Variants in PDSS2 observed in about 807,000 individuals in gnomAD.
PDSS2 encodes the protein all trans-polyprenyl-diphosphate synthase PDSS2.
In PDSS2, 31 loss-of-function variants were observed where a neutral mutation model predicts 44.5. The ratio of observed to expected loss-of-function variants is 0.70; its 90% CI spans 0.52 to 0.94. The LOEUF (loss-of-function observed/expected upper bound fraction) is 0.94, where lower values mean the gene tolerates loss of function less well. PDSS2 is among the 40% of genes least tolerant of loss of function. PDSS2 has a pLI of 0.00. For synonymous variants in PDSS2, 157 were observed against 180.3 expected, an observed-to-expected ratio of 0.87 and a Z score of 1.03; for missense variants, 452 against 482.2, an observed-to-expected ratio of 0.94 and a Z score of 0.59.
chr6:107,453,481 C>A (rs1386268789), intron 1 of PDSS2, among the ~76,000 whole-genome samples: 3 of 151,786 alleles, frequency 2.0e-5, no homozygotes, highest in African/African-American at 7.3e-5. Context: ...TATCCTCCCT[C>A]CATTGAATTG....
chr6:107,303,248 C>G (rs1481346879), intron 2 of PDSS2, among the ~76,000 whole-genome samples: 1 of 152,172 alleles, frequency 6.6e-6, no homozygotes, highest in Non-Finnish European at 1.5e-5. Context: ...TTCATGAGAG[C>G]TCCATGATTC....
chr6:107,186,662 A>G (rs747544869), intron 7 of PDSS2, among the ~76,000 whole-genome samples: 2 of 150,338 alleles, frequency 1.3e-5, no homozygotes, highest in East Asian at 2.0e-4. Context: ...CCCTGTGTCC[A>G]TGTGTTCTCA....
intron 2 of PDSS2, among the ~76,000 whole-genome samples, chr6:107,321,373 G>A (rs1777376758): frequency 6.6e-6 from 1 of 152,198 alleles, no homozygotes; most frequent in South Asian, 2.1e-4. Context: ...CTGACTTCTA[G>A]AAGGTACTGT....
intron 2 of PDSS2, among the ~76,000 whole-genome samples, chr6:107,312,557 C>T (rs1442203179): frequency 4.6e-5 from 7 of 152,152 alleles, no homozygotes; most frequent in Non-Finnish European, 1.0e-4. Context: ...CAGCACTTAT[C>T]TCTTATTATG....
chr6:107,396,640 C>CAGAGGATTT (rs1345882451), intron 1 of PDSS2, among the ~76,000 whole-genome samples: 2 of 150,190 alleles, frequency 1.3e-5, no homozygotes, highest in Non-Finnish European at 3.0e-5. Flanking sequence ...TTATTTGCCA[C>CAGAGGATTT]AGAGGATTTG....
intron 1 of PDSS2, among the ~76,000 whole-genome samples, chr6:107,442,650 C>T (rs1216670150): frequency 3.3e-5 from 5 of 152,090 alleles, no homozygotes; most frequent in African/African-American, 7.2e-5. Flanking sequence ...AAATACTTCA[C>T]GTTCAACAGG....
chr6:107,324,394 G>T (rs764059181), intron 2 of PDSS2, among the ~76,000 whole-genome samples: 1 of 151,992 alleles, frequency 6.6e-6, no homozygotes. Context: ...GTCAATAAGC[G>T]CTCCTCATTT....
At chr6:107,255,784 T>G (rs1774999929) in intron 3 of PDSS2, among the ~76,000 whole-genome samples, 1 of 152,202 alleles carries the variant, frequency 6.6e-6, no homozygotes, top group South Asian at 2.1e-4. Flanking sequence ...AAATTTTTGA[T>G]GCAGTTTAAA....
intron 4 of PDSS2, among the ~76,000 whole-genome samples, chr6:107,235,240 C>T (rs551127788): frequency 6.6e-6 from 1 of 152,262 alleles, no homozygotes; most frequent in South Asian, 2.1e-4. Flanking sequence ...AGAGAGAGCT[C>T]TGAAGGTAAA....
At chr6:107,198,231 C>G (rs1772634410) in intron 6 of PDSS2, among the ~76,000 whole-genome samples, 3 of 152,166 alleles carry the variant, frequency 2.0e-5, no homozygotes, top group African/African-American at 7.2e-5. Context: ...CCCTGTCACC[C>G]AGTAGGGACA....
At chr6:107,319,591 A>G (rs1371910487) in intron 2 of PDSS2, among the ~76,000 whole-genome samples, 3 of 152,230 alleles carry the variant, frequency 2.0e-5, no homozygotes, top group Non-Finnish European at 4.4e-5. Flanking sequence ...ATGGATGAAT[A>G]TATTCAACAG....
intron 1 of PDSS2, among the ~76,000 whole-genome samples, chr6:107,350,377 T>A (rs1778393201): frequency 1.4e-5 from 2 of 146,592 alleles, no homozygotes; most frequent in Non-Finnish European, 3.1e-5. Context: ...TATGGCATCA[T>A]TAGCTCAATA....
At chr6:107,260,595 T>A (rs192932631) in intron 3 of PDSS2, among the ~76,000 whole-genome samples, 3 of 152,094 alleles carry the variant, frequency 2.0e-5, no homozygotes, top group Admixed American at 2.0e-4. Flanking sequence ...GCAACCTTGA[T>A]CTTTGTAAAT....
chr6:107,286,136 T>TAAAATATAAA (rs67225192), intron 2 of PDSS2, among the ~76,000 whole-genome samples: 2 of 128,742 alleles, frequency 1.6e-5, no homozygotes, highest in South Asian at 5.1e-4. Context: ...CGTCGCAAAA[T>TAAAATATAAA]AAAAAAAAAA....
chr6:107,435,533 C>G (rs1423497287), intron 1 of PDSS2, among the ~76,000 whole-genome samples: 1 of 152,098 alleles, frequency 6.6e-6, no homozygotes, highest in African/African-American at 2.4e-5. Context: ...AAATGACATT[C>G]CTTTTAAAAA....
At chr6:107,377,038 G>A (rs901096920) in intron 1 of PDSS2, among the ~76,000 whole-genome samples, 1 of 150,438 alleles carries the variant, frequency 6.6e-6, no homozygotes, top group African/African-American at 2.5e-5. Context: ...ATTGACAAAT[G>A]GGATCTAATT....
intron 4 of PDSS2, among the ~76,000 whole-genome samples, chr6:107,234,825 T>C (rs1774171930): frequency 1.3e-5 from 2 of 152,142 alleles, no homozygotes; most frequent in Non-Finnish European, 1.5e-5. Flanking sequence ...AGCAATGCAA[T>C]AGCACCATAA....
intron 1 of PDSS2, among the ~76,000 whole-genome samples, chr6:107,338,064 T>C (rs895415843): frequency 6.6e-5 from 10 of 152,142 alleles, no homozygotes; most frequent in Admixed American, 6.5e-5. Flanking sequence ...TTCTTTAAAT[T>C]CACTTCGTTA....
In PDSS2 at chr6:107,276,963, C is replaced by A. The variant is rs1194636306; in HGVS notation, c.432-2736G>T. Among the ~76,000 whole-genome samples, 3 of 152,152 alleles carry A rather than the reference C, an allele frequency of 2.0e-5. No individual in the cohort carries two copies. The East Asian group carries it at 5.8e-4, about 29-fold the overall frequency. On this transcript the variant is annotated intron_variant, in intron 2 of 7. Transcript: ENST00000369037. ...ACACATAAATAAATACAGGAGAAAC[C>A]AGCAAAGGAACAGTCCAGCCAAACA...
Sources: allele counts gnomAD v4.1 joint callset (sites outside exome capture counted in the v4.1 genomes callset), GRCh38; gene constraint gnomAD v4.1.1; transcripts MANE v1.5; gene names NCBI Gene and HGNC (gene_info 2026-07-23, HGNC 2026-07-21).